NEK6: variants seen among roughly 807,000 people sequenced by gnomAD.
The protein encoded by NEK6 is serine/threonine-protein kinase Nek6.
NEK6 carries 27 observed loss-of-function variants against 43.5 expected under a neutral mutation model. The observed-to-expected ratio is 0.62, with a 90% CI of 0.46 to 0.86. The LOEUF (loss-of-function observed/expected upper bound fraction) is 0.86. Ranked by LOEUF, NEK6 falls within the 40% of genes least tolerant of loss-of-function variation. NEK6 has a pLI of 0.00. For missense variants in NEK6, 318 were observed against 414.4 expected, an observed-to-expected ratio of 0.77 and a Z score of 2.02; for synonymous variants, 167 against 164.1, an observed-to-expected ratio of 1.02 and a Z score of -0.14.
chr9:124,319,114 A>G (rs1833947140), intron 4 of NEK6, among the ~76,000 whole-genome samples: 1 of 152,074 alleles, frequency 6.6e-6, no homozygotes, highest in East Asian at 1.9e-4. Context: ...CCTCTCGAGT[A>G]GCTGTGACTA....
chr9:124,300,888 C>G (rs1002823838), intron 1 of NEK6, among the ~76,000 whole-genome samples: 1 of 152,206 alleles, frequency 6.6e-6, no homozygotes. Flanking sequence ...GGGGTTCTGC[C>G]TAGGATGTGG....
At chr9:124,349,398 G>A (rs944628700) in intron 9 of NEK6, among the ~76,000 whole-genome samples, 1 of 152,026 alleles carries the variant, frequency 6.6e-6, no homozygotes, top group Non-Finnish European at 1.5e-5. Flanking sequence ...AATGGGAGTC[G>A]CCCTCTCTAC....
chr9:124,279,848 C>T (rs1437821789), intron 1 of NEK6, among the ~76,000 whole-genome samples: 1 of 152,262 alleles, frequency 6.6e-6, no homozygotes, highest in Non-Finnish European at 1.5e-5. Flanking sequence ...TCTGTGTCTA[C>T]CTCCCAACCA....
At position 124,326,424 on chromosome 9, in the gene NEK6, G is replaced by A. The variant is rs777970915; in HGVS notation, c.500G>A (p.Arg167Gln). 6 of 1,608,202 alleles carry A rather than the reference G, an allele frequency of 3.7e-6. No homozygotes were observed. The highest frequency in any genetic ancestry group is 2.2e-5 in the East Asian group (1 of 44,798). Residue 167 changes from arginine (R) to glutamine (Q), a missense_variant, in exon 6 of 10, where the codon CGG becomes CAG. By Grantham distance (43) the Arg-to-Gln change is conservative. Around this residue, in one of 2 missense-constraint regions of NEK6, gnomAD observed 239 missense variants for 344.4 expected, o/e 0.69. Transcript: ENST00000320246. The surrounding 1 kb of genome is among the most constrained non-coding windows in gnomAD (Gnocchi z 4.5). ...GCCGTGGAGCACATGCATTCACGCC[G>A]GGTGATGCACCGAGGTACGTGCCAC... ...CSAVEHMHSR[R>Q]VMHRDIKPAN... is the part of the protein sequence containing the mutation.
At chr9:124,310,285 G>T (rs965410531) in intron 2 of NEK6, among the ~76,000 whole-genome samples, 2 of 152,260 alleles carry the variant, frequency 1.3e-5, no homozygotes, top group Non-Finnish European at 2.9e-5. Context: ...GTGGGCGCGT[G>T]GGCGGTGTCT....
intron 1 of NEK6, among the ~76,000 whole-genome samples, chr9:124,267,757 G>A (rs934156934): frequency 4.6e-5 from 7 of 152,226 alleles, no homozygotes; most frequent in African/African-American, 1.7e-4. Context: ...AGCACCACAT[G>A]CCTTCTTGGC....
At chr9:124,318,112 G>A (rs139261106) in intron 4 of NEK6, among the ~76,000 whole-genome samples, 131 of 152,244 alleles carry the variant, frequency 8.6e-4, no homozygotes, top group African/African-American at 3.1e-3. Context: ...TTTGTTCCAC[G>A]GTGTCTGAAC....
chr9:124,347,841 G>A lies in NEK6; in HGVS notation c.831+19G>A. 1 of 1,546,642 alleles carries A rather than the reference G, an allele frequency of 6.5e-7. No individual in the cohort carries two copies. Among genetic ancestry groups the A allele is most frequent in the East Asian group, 2.3e-5 (1 of 44,378 alleles). On this transcript the variant is annotated intron_variant, in intron 9 of 9. Transcript: ENST00000320246. Reference sequence around the variant, plus strand: ...CGAGAAGGTGAGTTTGCAGGAGCCGGAGGCCTCGCCAGCCCCAGGAGGCCA... The same window carrying A: ...CGAGAAGGTGAGTTTGCAGGAGCCGAAGGCCTCGCCAGCCCCAGGAGGCCA...
Position 124,304,800 on chromosome 9 carries a change from C to T in NEK6, c.90+2746C>T, listed in dbSNP as rs1239052809. On this transcript the variant is annotated intron_variant, in intron 2 of 9. Coordinates refer to ENST00000320246, the MANE Select transcript of NEK6 (RefSeq NM_014397.6). ...CACATGAAAAAATATTTGCTGAAAC[C>T]GGCAGAACCATATATGAAATTCATA... is the stretch of plus-strand genomic sequence containing the variant. Among the ~76,000 whole-genome samples, 7 of 152,184 alleles carry T rather than the reference C, an allele frequency of 4.6e-5. No individual in the cohort carries two copies. In the South Asian group the frequency reaches 6.2e-4, roughly 14 times the overall value.
intron 8 of NEK6, among the ~76,000 whole-genome samples, chr9:124,347,209 CA>C (rs945298060): frequency 6.6e-6 from 1 of 152,228 alleles, no homozygotes; most frequent in African/African-American, 2.4e-5. Flanking sequence ...GAGGGGCTGG[CA>C]AGAACAGCCA....
intron 1 of NEK6, among the ~76,000 whole-genome samples, chr9:124,296,320 C>T (rs1832687474): frequency 6.6e-6 from 1 of 152,204 alleles, no homozygotes; most frequent in Non-Finnish European, 1.5e-5. Context: ...GAAGCTGTGC[C>T]CTCGGCTGGA....
At chr9:124,305,566 A>AG (rs1564634529) in intron 2 of NEK6, among the ~76,000 whole-genome samples, 2 of 150,226 alleles carry the variant, frequency 1.3e-5, no homozygotes, top group South Asian at 2.1e-4. Context: ...AAAAAAAAAA[A>AG]AAAGAAAAAG....
Position 124,352,540 on chromosome 9 carries a change from G to T in NEK6, c.*1593G>T, listed in dbSNP as rs1407121621. Reference sequence around the variant, plus strand: ...GAACCTTGAAAAACACAACTTCCCAGGCCCCATTCAGTAATCCCAGGATTT... The same window carrying T: ...GAACCTTGAAAAACACAACTTCCCATGCCCCATTCAGTAATCCCAGGATTT... On this transcript the variant is annotated 3_prime_UTR_variant, in exon 10 of 10. Transcript: ENST00000320246. 6.6e-6 allele frequency: 1 copy of T among 152,148 alleles called. No individual in the cohort carries two copies. Among genetic ancestry groups the T allele is most frequent in the Non-Finnish European group, 1.5e-5 (1 of 68,032 alleles). 9.4% of individuals were successfully genotyped at this position (152,148 alleles called of 1,614,324 possible). A position where few individuals can be genotyped will look rare whatever the true frequency, so the allele number is the denominator to read the frequency against.
intron 2 of NEK6, 123 bp from the exon 3 acceptor site, chr9:124,312,386 G>T: frequency 8.5e-7 from 1 of 1,180,484 alleles, no homozygotes; most frequent in Admixed American, 2.8e-5. Flanking sequence ...CCAGAGCAGG[G>T]TTGGCAGCAG....
intron 1 of NEK6, among the ~76,000 whole-genome samples, chr9:124,271,730 C>T (rs533900750): frequency 1.2e-4 from 18 of 152,382 alleles, no homozygotes; most frequent in African/African-American, 3.6e-4. Context: ...CTCTTGCCCC[C>T]ACCGTCTGCT....
Position 124,350,689 on chromosome 9 carries a change from G to T in NEK6, c.832-148G>T, listed in dbSNP as rs1588559508. On this transcript the variant is annotated intron_variant, in intron 9 of 9. Transcript: ENST00000320246. Reference sequence around the variant, plus strand: ...GGCTGCGCACCCCTTACTTGCCCCAGCTAAACACCGTTCTTCAGCTCTAAC... The same window carrying T: ...GGCTGCGCACCCCTTACTTGCCCCATCTAAACACCGTTCTTCAGCTCTAAC... The T allele has an allele frequency of 1.7e-5, 12 of 689,950 alleles. No homozygotes were observed. The East Asian group carries it at 3.4e-4, about 19-fold the overall frequency. The allele number at this position is 689,950 out of a possible 1,614,324, so 42.7% of individuals were successfully genotyped here. A position where few individuals can be genotyped will look rare whatever the true frequency, so the allele number is the denominator to read the frequency against.
chr9:124,345,175 G>A lies in NEK6; in HGVS notation c.718-2534G>A, dbSNP rs537547001. 1.1e-3 allele frequency among the ~76,000 whole-genome samples: 172 copies of A among 152,284 alleles called. 5 individuals are homozygous for A. The highest frequency in any genetic ancestry group is 2.9e-3 in the African/African-American group (122 of 41,584). ...CATTTGAGGAGCAGCGCTGAGAGCC[G>A]TGGCCTCGGCAGTTCTAACGAGGCC... On this transcript the variant is annotated intron_variant, in intron 8 of 9. Coordinates refer to ENST00000320246, the MANE Select transcript of NEK6 (RefSeq NM_014397.6).
chr9:124,274,973 A>G (rs994796476), intron 1 of NEK6, among the ~76,000 whole-genome samples: 1 of 152,184 alleles, frequency 6.6e-6, no homozygotes, highest in Non-Finnish European at 1.5e-5. Flanking sequence ...ATGGATGTGA[A>G]AAGGACCGAC....
chr9:124,336,405 T>C (rs1429668683), intron 7 of NEK6, among the ~76,000 whole-genome samples: 7 of 152,148 alleles, frequency 4.6e-5, no homozygotes, highest in Non-Finnish European at 1.0e-4. Context: ...TAAATGGTAG[T>C]TGGGGGCTTT....
Sources: allele counts gnomAD v4.1 joint callset (sites outside exome capture counted in the v4.1 genomes callset), GRCh38; gene constraint gnomAD v4.1.1; regional missense constraint gnomAD v4.1.1; non-coding constraint Gnocchi (gnomAD v3.1); transcripts MANE v1.5; gene names NCBI Gene and HGNC (gene_info 2026-07-23, HGNC 2026-07-21).